Variants in PFDN1 observed in about 807,000 individuals in gnomAD.
The protein encoded by PFDN1 is prefoldin 1.
A neutral mutation model predicts 17.3 loss-of-function variants in PFDN1; 6 were observed. That is an observed-to-expected ratio of 0.35 (90% CI 0.19 to 0.69). The LOEUF (loss-of-function observed/expected upper bound fraction) is 0.69. PFDN1 is among the 30% of genes least tolerant of loss of function. The pLI, the probability that PFDN1 is intolerant of heterozygous loss-of-function variation, is 0.65. For missense variants in PFDN1, 113 were observed against 146.2 expected, an observed-to-expected ratio of 0.77 and a Z score of 1.17; for synonymous variants, 58 against 50.1, an observed-to-expected ratio of 1.16 and a Z score of -0.67.
At chr5:140,302,134 A>G (rs1455527535) in intron 1 of PFDN1, among the ~76,000 whole-genome samples, 1 of 152,216 alleles carries the variant, frequency 6.6e-6, no homozygotes, top group Non-Finnish European at 1.5e-5. Context: ...AAGAACTCAA[A>G]ATAGTGGTCA....
intron 2 of PFDN1, among the ~76,000 whole-genome samples, chr5:140,288,995 A>T (rs1765539684): frequency 6.6e-6 from 1 of 151,772 alleles, no homozygotes; most frequent in Admixed American, 6.6e-5. Flanking sequence ...AAAAAATAAT[A>T]ATAATAGTTG....
chr5:140,282,557 G>C (rs1029758522), intron 2 of PFDN1, among the ~76,000 whole-genome samples: 1 of 151,962 alleles, frequency 6.6e-6, no homozygotes, highest in Non-Finnish European at 1.5e-5. Flanking sequence ...TTTCCAGAGT[G>C]TATATAGTAC....
rs551459838 is a variant in PFDN1, at chr5:140,248,947, G to A, written c.286-2890C>T. On this transcript the variant is annotated intron_variant, in intron 3 of 3. Transcript: ENST00000261813. ...CTCTTGCCTTAGAGGCATGTGCCAC[G>A]ATACTGCCTTCATCTTTAAATTTTT... Among the ~76,000 whole-genome samples the A allele has an allele frequency of 2.0e-3, 307 of 152,318 alleles. 1 individual carries two copies. Among genetic ancestry groups the A allele is most frequent in the Non-Finnish European group, 2.5e-3 (168 of 68,044 alleles).
intron 3 of PFDN1, among the ~76,000 whole-genome samples, chr5:140,276,762 C>T (rs1460281884): frequency 9.6e-6 from 1 of 103,660 alleles, no homozygotes; most frequent in African/African-American, 3.9e-5. Flanking sequence ...ACCTGGGTGA[C>T]AGAGTGAGAC....
chr5:140,245,450 T>C lies in PFDN1; in HGVS notation c.*524A>G, dbSNP rs1044592360. On this transcript the variant is annotated 3_prime_UTR_variant, in exon 4 of 4. Coordinates refer to ENST00000261813, the MANE Select transcript of PFDN1 (RefSeq NM_002622.5). Reference sequence around the variant, plus strand: ...TGTTCTTTCTTCCTCTTCTGTCTACTGCATGCAGGCCCGGAAGCTGAGCGT... The same window carrying C: ...TGTTCTTTCTTCCTCTTCTGTCTACCGCATGCAGGCCCGGAAGCTGAGCGT... 20 of 702,494 alleles carry C rather than the reference T, an allele frequency of 2.8e-5. No homozygotes were observed. Among genetic ancestry groups the C allele is most frequent in the African/African-American group, 2.1e-4 (12 of 57,264 alleles). The allele number at this position is 702,494 out of a possible 1,614,324, so 43.5% of individuals were successfully genotyped here.
intron 3 of PFDN1, among the ~76,000 whole-genome samples, chr5:140,259,333 T>C (rs2126681095): frequency 6.6e-6 from 1 of 152,326 alleles, no homozygotes; most frequent in Middle Eastern, 3.4e-3. Flanking sequence ...TTAACTCCTA[T>C]CTTCAATGAG....
chr5:140,251,079 G>A (rs1764906595), intron 3 of PFDN1, among the ~76,000 whole-genome samples: 1 of 151,940 alleles, frequency 6.6e-6, no homozygotes, highest in African/African-American at 2.4e-5. Flanking sequence ...AGGATTACAG[G>A]TGAGTACCAC....
In PFDN1 at chr5:140,300,544, T is replaced by C. The variant is rs746666692; in HGVS notation, c.72A>G (p.Gln24=). ...GTATGTCTGCGAGCTTCACCTTCTG[T>C]TGAGTGTCAATAACTTTGGCTTGAA... ...TELQAKVIDT[Q]QKVKLADIQI... Residue 24 remains glutamine (Q), a synonymous_variant, in exon 2 of 4, where the codon CAA becomes CAG. Transcript: ENST00000261813. 8 of 1,612,810 alleles carry C rather than the reference T, an allele frequency of 5.0e-6. No homozygotes were observed. The East Asian group carries it at 1.1e-4, about 22-fold the overall frequency.
intron 3 of PFDN1, among the ~76,000 whole-genome samples, chr5:140,261,347 C>A (rs1329557849): frequency 6.6e-6 from 1 of 152,120 alleles, no homozygotes; most frequent in African/African-American, 2.4e-5. Flanking sequence ...TAAAAATTAA[C>A]TTTAATGCTG....
At chr5:140,287,321 A>T (rs10477348) in intron 2 of PFDN1, among the ~76,000 whole-genome samples, 71,331 of 152,102 alleles carry the variant, frequency 0.47, 16,975 homozygotes, top group South Asian at 0.71. Context: ...TAAACTCACA[A>T]TCAGCTTAGT....
chr5:140,274,314 A>C (rs1248165808), intron 3 of PFDN1, among the ~76,000 whole-genome samples: 1 of 152,252 alleles, frequency 6.6e-6, no homozygotes, highest in South Asian at 2.1e-4. Flanking sequence ...GAGACATGTC[A>C]TAATTCCAAA....
chr5:140,257,292 A>G (rs1279225631), intron 3 of PFDN1, among the ~76,000 whole-genome samples: 1 of 151,700 alleles, frequency 6.6e-6, no homozygotes, highest in Non-Finnish European at 1.5e-5. Flanking sequence ...TCTTTAACCA[A>G]GGTGCTCAGG....
Position 140,303,088 on chromosome 5 carries a change from A to C in PFDN1, c.-15T>G. The C allele has an allele frequency of 6.2e-7, 1 of 1,609,606 alleles. No individual in the cohort carries two copies. The highest frequency in any genetic ancestry group is 1.1e-5 in the South Asian group (1 of 90,992). ...GGGGCGGCCATCTTGGTGCACTGTA[A>C]GCGCCTGCGCAGTGGGAGTTGGACT... On this transcript the variant is annotated 5_prime_UTR_variant, in exon 1 of 4. Transcript: ENST00000261813.
At chr5:140,287,997 T>C (rs1765522886) in intron 2 of PFDN1, among the ~76,000 whole-genome samples, 1 of 152,214 alleles carries the variant, frequency 6.6e-6, no homozygotes, top group South Asian at 2.1e-4. Context: ...AATGCAAAAA[T>C]GGTACAGCCC....
At chr5:140,265,191 T>C (rs1010860494) in intron 3 of PFDN1, among the ~76,000 whole-genome samples, 3 of 152,114 alleles carry the variant, frequency 2.0e-5, no homozygotes, top group Non-Finnish European at 4.4e-5. Flanking sequence ...TGCCAGCCTC[T>C]GCTTGGACAG....
intron 2 of PFDN1, among the ~76,000 whole-genome samples, chr5:140,286,316 A>G (rs1224612076): frequency 2.0e-5 from 3 of 150,682 alleles, no homozygotes; most frequent in African/African-American, 4.9e-5. Flanking sequence ...AGAGGCTGAG[A>G]CAGGAAAATC....
At chr5:140,298,508 C>T (rs769499976) in intron 2 of PFDN1, among the ~76,000 whole-genome samples, 110 of 152,012 alleles carry the variant, frequency 7.2e-4, no homozygotes, top group Admixed American at 1.4e-3. Flanking sequence ...CTCCTTTTAG[C>T]TCACTGTAAT....
chr5:140,270,328 C>T (rs1221011716), intron 3 of PFDN1, among the ~76,000 whole-genome samples: 2 of 152,042 alleles, frequency 1.3e-5, no homozygotes, highest in African/African-American at 4.8e-5. Context: ...ACAATGAAGG[C>T]TGAGGTCAAC....
chr5:140,284,900 A>G (rs1304973876), intron 2 of PFDN1, among the ~76,000 whole-genome samples: 1 of 152,230 alleles, frequency 6.6e-6, no homozygotes, highest in African/African-American at 2.4e-5. Flanking sequence ...ATCTGAAAAC[A>G]TAATTCTGAG....
Sources: allele counts gnomAD v4.1 joint callset (sites outside exome capture counted in the v4.1 genomes callset), GRCh38; gene constraint gnomAD v4.1.1; transcripts MANE v1.5; gene names NCBI Gene and HGNC (gene_info 2026-07-23, HGNC 2026-07-21).